ADGRB3: variants seen among roughly 807,000 people sequenced by gnomAD.
ADGRB3 encodes adhesion G protein-coupled receptor B3.
In ADGRB3, 37 loss-of-function variants were observed where a neutral mutation model predicts 193.4. The observed-to-expected ratio is 0.19, with a 90% CI of 0.15 to 0.25. The LOEUF is 0.25. Ranked by LOEUF, ADGRB3 falls within the 10% of genes least tolerant of loss-of-function variation. ADGRB3 has a pLI of 1.00. For missense variants in ADGRB3, 1,637 were observed against 1,852.9 expected (o/e 0.88, Z 2.14); for synonymous variants, 690 against 644.2 (o/e 1.07, Z -1.08).
rs1766184250 is a variant in ADGRB3 at position 68,895,134 on chromosome 6, C to G, written c.758-35425C>G. Among the ~76,000 whole-genome samples the G allele has an allele frequency of 5.9e-5, 9 of 151,806 alleles. 2 individuals are homozygous for G. In the South Asian group the frequency reaches 1.9e-3, roughly 31 times the overall value. On this transcript the variant is annotated intron_variant, in intron 3 of 31. Coordinates refer to ENST00000370598, the MANE Select transcript of ADGRB3 (RefSeq NM_001704.3). ...GATGATATTCATTAGTATAATAATC[C>G]TTCCCCAGATTTAACTTTCTTTTGC...
At chr6:69,374,634 T>A (rs1769776291) in intron 30 of ADGRB3, among the ~76,000 whole-genome samples, 1 of 152,058 alleles carries the variant, frequency 6.6e-6, no homozygotes, top group African/African-American at 2.4e-5. Flanking sequence ...GTAGCCAGTC[T>A]CCAGAACAGC....
intron 3 of ADGRB3, among the ~76,000 whole-genome samples, chr6:68,683,464 A>G (rs1040615802): frequency 1.3e-5 from 2 of 152,220 alleles, no homozygotes; most frequent in Non-Finnish European, 2.9e-5. Flanking sequence ...GTTGGCTTAC[A>G]AAAATTATAT....
chr6:68,724,868 A>G lies in ADGRB3; in HGVS notation c.757+85436A>G, dbSNP rs1765646206. ...GCAAGACATGGTCTGTGCATTTGAC[A>G]GAAATATTGTTACAAAGTTTATAAC... On this transcript the variant is annotated intron_variant, in intron 3 of 31. Transcript: ENST00000370598. Among the ~76,000 whole-genome samples, 3 of 151,720 alleles carry G rather than the reference A, an allele frequency of 2.0e-5. No individual in the cohort carries two copies. The East Asian group carries it at 5.8e-4, about 29-fold the overall frequency.
At chr6:68,800,401 C>T (rs1582212178) in intron 3 of ADGRB3, among the ~76,000 whole-genome samples, 2 of 152,112 alleles carry the variant, frequency 1.3e-5, no homozygotes, top group East Asian at 3.9e-4. Flanking sequence ...TGACTGTCTT[C>T]CTCTGGAGTT....
chr6:68,694,992 C>T (rs890880412), intron 3 of ADGRB3, among the ~76,000 whole-genome samples: 4 of 152,086 alleles, frequency 2.6e-5, no homozygotes, highest in African/African-American at 9.6e-5. Flanking sequence ...TAATAGGCAT[C>T]GTATAGTCTA....
At chr6:68,652,637 T>A (rs1768394421) in intron 3 of ADGRB3, among the ~76,000 whole-genome samples, 1 of 152,196 alleles carries the variant, frequency 6.6e-6, no homozygotes, top group Non-Finnish European at 1.5e-5. Context: ...TTAAAATTTT[T>A]AAGTACAATT....
At chr6:69,279,071 G>GTGTATATATATATA (rs1223848774) in intron 20 of ADGRB3, among the ~76,000 whole-genome samples, 1 of 71,390 alleles carries the variant, frequency 1.4e-5, no homozygotes, top group Non-Finnish European at 2.8e-5. Context: ...AAATACATAT[G>GTGTATATATATATA]TATATATATA....
chr6:69,345,430 T>G (rs1157084668), intron 26 of ADGRB3, among the ~76,000 whole-genome samples: 1 of 152,172 alleles, frequency 6.6e-6, no homozygotes. Flanking sequence ...ATCCCTGGGA[T>G]GCAAGTCTGG....
intron 26 of ADGRB3, among the ~76,000 whole-genome samples, chr6:69,341,574 A>G (rs1029850997): frequency 7.2e-5 from 11 of 152,140 alleles, no homozygotes; most frequent in African/African-American, 1.4e-4. Flanking sequence ...AAGCCTTACT[A>G]TTCCCTTAGC....
intron 3 of ADGRB3, among the ~76,000 whole-genome samples, chr6:68,740,543 C>T (rs1211483569): frequency 6.6e-6 from 1 of 151,956 alleles, no homozygotes; most frequent in Admixed American, 6.6e-5. Flanking sequence ...AGATTTTGGA[C>T]TAGATACAAC....
intron 12 of ADGRB3, among the ~76,000 whole-genome samples, chr6:69,014,670 T>C (rs1770037468): frequency 6.6e-6 from 1 of 152,040 alleles, no homozygotes; most frequent in Non-Finnish European, 1.5e-5. Flanking sequence ...TGTGGTATCC[T>C]AACTGATAAG....
chr6:69,215,190 C>T (rs1338648070), intron 17 of ADGRB3, among the ~76,000 whole-genome samples: 3 of 152,166 alleles, frequency 2.0e-5, no homozygotes, highest in African/African-American at 7.2e-5. Flanking sequence ...ATTAGAGATA[C>T]GATTGGATTT....
chr6:68,968,341 TAA>T, intron 8 of ADGRB3, among the ~76,000 whole-genome samples: 1 of 152,260 alleles, frequency 6.6e-6, no homozygotes, highest in Middle Eastern at 3.4e-3. Flanking sequence ...TTTGCCAGAA[TAA>T]TACTAAGTGT....
At chr6:69,233,545 C>T (rs1766198153) in intron 18 of ADGRB3, 129 bp downstream of exon 18, 1 of 1,240,950 alleles carries the variant, frequency 8.1e-7, no homozygotes, top group Non-Finnish European at 1.1e-6. Flanking sequence ...GGTTCGTCTC[C>T]TCCTTAGCTA....
Position 69,235,092 on chromosome 6 carries a change from T to C in ADGRB3, c.2668T>C (p.Leu890=). 2 of 1,613,126 alleles carry C rather than the reference T, an allele frequency of 1.2e-6. No individual in the cohort carries two copies. Among genetic ancestry groups the C allele is most frequent in the Non-Finnish European group, 8.5e-7 (1 of 1,179,172 alleles). Reference sequence around the variant, plus strand: ...AATAGTAGGCAGTGGTCTTTCTTGCTTGGCCTTGATTACCCTAGCAGTTGT... The same window carrying C: ...AATAGTAGGCAGTGGTCTTTCTTGCCTGGCCTTGATTACCCTAGCAGTTGT... The part of the protein sequence containing the change: ...TLIVGSGLSC[L]ALITLAVVYA... Residue 890 remains leucine (L), a synonymous_variant, in exon 19 of 32, where the codon TTG becomes CTG. Transcript: ENST00000370598.
At chr6:69,366,313 G>C (rs1260154380) in intron 29 of ADGRB3, among the ~76,000 whole-genome samples, 2 of 151,998 alleles carry the variant, frequency 1.3e-5, no homozygotes, top group African/African-American at 2.4e-5. Flanking sequence ...GCTATTTTTA[G>C]TGGATTTGCT....
intron 12 of ADGRB3, among the ~76,000 whole-genome samples, chr6:69,017,341 A>G (rs965837164): frequency 2.4e-4 from 37 of 151,856 alleles, no homozygotes; most frequent in African/African-American, 8.9e-4. Flanking sequence ...AGAACTCTCT[A>G]ATCCACTTAA....
intron 3 of ADGRB3, among the ~76,000 whole-genome samples, chr6:68,805,112 T>C (rs994623743): frequency 1.3e-5 from 2 of 152,100 alleles, no homozygotes; most frequent in Admixed American, 6.6e-5. Context: ...TACTTTTTCA[T>C]GGTAGAGACA....
chr6:68,681,810 G>C (rs1764902300), intron 3 of ADGRB3, among the ~76,000 whole-genome samples: 1 of 152,112 alleles, frequency 6.6e-6, no homozygotes. Flanking sequence ...TTCAATAGCT[G>C]TTCATTCCAA....
Sources: gnomAD v4.1 joint callset for allele counts (sites outside exome capture counted in the v4.1 genomes callset) on GRCh38, gnomAD v4.1.1 for gene constraint, MANE v1.5 for transcripts, NCBI Gene and HGNC (gene_info 2026-07-23, HGNC 2026-07-21) for gene names.